PLA2G4A: variants seen among roughly 807,000 people sequenced by gnomAD.
The protein encoded by PLA2G4A is cytosolic phospholipase A2.
Under a neutral mutation model 81.9 loss-of-function variants are expected in PLA2G4A, and 40 were observed. That is an observed-to-expected ratio of 0.49 (90% CI 0.38 to 0.64). The LOEUF (loss-of-function observed/expected upper bound fraction) is 0.64. PLA2G4A is among the 30% of genes least tolerant of loss of function. PLA2G4A has a pLI of 0.00. For synonymous variants in PLA2G4A, 302 were observed against 296.9 expected, an observed-to-expected ratio of 1.02 and a Z score of -0.18; for missense variants, 715 against 905.1, an observed-to-expected ratio of 0.79 and a Z score of 2.69.
chr1:186,921,569 G>T lies in PLA2G4A; in HGVS notation c.558+10180G>T, dbSNP rs192160688. ...TTGGGCCATAAGCAAGCTGTCAACG[G>T]AGAAGTTTCTCCTGTGGCTTCACTT... On this transcript the variant is annotated intron_variant, in intron 7 of 17. Transcript: ENST00000367466. Among the ~76,000 whole-genome samples the T allele has an allele frequency of 1.7e-3, 253 of 152,220 alleles. 2 individuals carry two copies. The highest frequency in any genetic ancestry group is 5.9e-3 in the African/African-American group (244 of 41,542).
rs554322741 is a variant in PLA2G4A at position 186,853,151 on chromosome 1, A to G, written c.-69-1135A>G. Reference sequence around the variant, plus strand: ...TTTTATAATTCTTAAATAGAGAACTATGGGTGATTTTTACCATTCATATAA... The same window carrying G: ...TTTTATAATTCTTAAATAGAGAACTGTGGGTGATTTTTACCATTCATATAA... On this transcript the variant is annotated intron_variant, in intron 1 of 17. Coordinates refer to ENST00000367466, the MANE Select transcript of PLA2G4A (RefSeq NM_024420.3). Among the ~76,000 whole-genome samples, 209 of 152,032 alleles carry G rather than the reference A, an allele frequency of 1.4e-3. 2 individuals are homozygous for G. Among genetic ancestry groups the G allele is most frequent in the African/African-American group, 4.9e-3 (202 of 41,522 alleles).
chr1:186,967,034 GA>G (rs1480085544), intron 15 of PLA2G4A, among the ~76,000 whole-genome samples: 1 of 152,106 alleles, frequency 6.6e-6, no homozygotes, highest in African/African-American at 2.4e-5. Context: ...TATAGAATAA[GA>G]AGTGGCAATT....
intron 10 of PLA2G4A, among the ~76,000 whole-genome samples, chr1:186,942,853 C>A (rs549446128): frequency 6.6e-6 from 1 of 152,214 alleles, no homozygotes; most frequent in East Asian, 1.9e-4. Context: ...GCATCATTAA[C>A]CTTCATTGTT....
chr1:186,939,829 G>A (rs1656085957), intron 9 of PLA2G4A, 151 bp from the exon 10 acceptor site: 3 of 581,506 alleles, frequency 5.2e-6, no homozygotes, highest in South Asian at 4.5e-5. Flanking sequence ...ATTTTTTGTT[G>A]TTCATTCAGG....
chr1:186,900,392 C>G (rs1654494311), intron 5 of PLA2G4A, among the ~76,000 whole-genome samples: 3 of 152,306 alleles, frequency 2.0e-5, no homozygotes, highest in South Asian at 2.1e-4. Flanking sequence ...TATTCTCACT[C>G]TAATTATAAT....
chr1:186,896,336 G>A (rs553346062), intron 5 of PLA2G4A, among the ~76,000 whole-genome samples: 1 of 152,296 alleles, frequency 6.6e-6, no homozygotes, highest in East Asian at 1.9e-4. Flanking sequence ...AGCATTCTGG[G>A]CAGAACAGAT....
At chr1:186,980,294 A>G (rs945188843) in intron 17 of PLA2G4A, among the ~76,000 whole-genome samples, 1 of 152,178 alleles carries the variant, frequency 6.6e-6, no homozygotes, top group African/African-American at 2.4e-5. Context: ...TTAGAAACAA[A>G]TCATTGTCTT....
intron 15 of PLA2G4A, among the ~76,000 whole-genome samples, chr1:186,976,821 G>A (rs745919253): frequency 1.3e-5 from 2 of 152,172 alleles, no homozygotes; most frequent in Admixed American, 6.5e-5. Context: ...AACCAACCTC[G>A]AATCTCCGTA....
At chr1:186,902,879 C>CAAA (rs72003812) in intron 5 of PLA2G4A, among the ~76,000 whole-genome samples, 6 of 99,462 alleles carry the variant, frequency 6.0e-5, no homozygotes, top group African/African-American at 2.3e-4. Context: ...CTTTATTGCT[C>CAAA]AAAAAAAAAA....
chr1:186,860,739 G>T (rs1291652277), intron 2 of PLA2G4A, among the ~76,000 whole-genome samples: 3 of 152,148 alleles, frequency 2.0e-5, no homozygotes, highest in African/African-American at 7.2e-5. Context: ...AGGCAAAAGT[G>T]CACTAATTCA....
intron 13 of PLA2G4A, among the ~76,000 whole-genome samples, chr1:186,951,108 A>G (rs1557888770): frequency 6.6e-6 from 1 of 151,564 alleles, no homozygotes; most frequent in Admixed American, 6.6e-5. Flanking sequence ...GAATTTTGTT[A>G]TTAAGTAACA....
chr1:186,850,880 TG>T (rs1163513110), intron 1 of PLA2G4A, among the ~76,000 whole-genome samples: 1 of 152,020 alleles, frequency 6.6e-6, no homozygotes, highest in African/African-American at 2.4e-5. Context: ...TATTTTTAAG[TG>T]GCAAATATAT....
intron 17 of PLA2G4A, among the ~76,000 whole-genome samples, chr1:186,985,629 A>T: frequency 6.6e-6 from 1 of 152,056 alleles, no homozygotes; most frequent in Non-Finnish European, 1.5e-5. Context: ...TGGAAGGGGG[A>T]TCACATTTTA....
At chr1:186,896,834 G>T (rs1015190008) in intron 5 of PLA2G4A, among the ~76,000 whole-genome samples, 1 of 152,008 alleles carries the variant, frequency 6.6e-6, no homozygotes, top group African/African-American at 2.4e-5. Context: ...ATAATCCTTT[G>T]AGCTGCAGGG....
chr1:186,985,968 G>A (rs1657878832), intron 17 of PLA2G4A, among the ~76,000 whole-genome samples: 1 of 152,174 alleles, frequency 6.6e-6, no homozygotes, highest in African/African-American at 2.4e-5. Flanking sequence ...TTTGAATTTA[G>A]TAACTGATCT....
chr1:186,903,253 A>T (rs1654613243), intron 5 of PLA2G4A, among the ~76,000 whole-genome samples: 1 of 152,132 alleles, frequency 6.6e-6, no homozygotes, highest in Non-Finnish European at 1.5e-5. Flanking sequence ...GAAAAAAAAA[A>T]GAGTAAATTA....
At chr1:186,889,703 C>A (rs1654066522) in intron 3 of PLA2G4A, among the ~76,000 whole-genome samples, 1 of 152,072 alleles carries the variant, frequency 6.6e-6, no homozygotes, top group African/African-American at 2.4e-5. Flanking sequence ...GGGGGGAAAC[C>A]CAATCAATAG....
intron 3 of PLA2G4A, among the ~76,000 whole-genome samples, chr1:186,881,436 C>T (rs1400225227): frequency 6.6e-6 from 1 of 152,082 alleles, no homozygotes; most frequent in Non-Finnish European, 1.5e-5. Flanking sequence ...TACTAAACCA[C>T]ATTGGATTCT....
In PLA2G4A at chr1:186,976,873, CA is replaced by C. The variant is rs1276149096; in HGVS notation, c.1765-719del. Among the ~76,000 whole-genome samples, 7 of 152,214 alleles carry C rather than the reference CA, an allele frequency of 4.6e-5. No individual in the cohort carries two copies. The East Asian group carries it at 1.3e-3, about 29-fold the overall frequency. On this transcript the variant is annotated intron_variant, in intron 15 of 17. Transcript: ENST00000367466. ...TATTTCTTGGCCACTTACATGCCAG[CA>C]GTCATAAATCACCCGTGGAGGCTCT...
Sources: allele counts gnomAD v4.1 joint callset (sites outside exome capture counted in the v4.1 genomes callset), GRCh38; gene constraint gnomAD v4.1.1; transcripts MANE v1.5; gene names NCBI Gene and HGNC (gene_info 2026-07-23, HGNC 2026-07-21).